Variants in SBNO1 observed in about 807,000 individuals in gnomAD.
The protein encoded by SBNO1 is protein strawberry notch homolog 1.
Under a neutral mutation model 173.6 loss-of-function variants are expected in SBNO1, and 23 were observed. The ratio of observed to expected loss-of-function variants is 0.13; its 90% CI spans 0.10 to 0.19. The LOEUF (loss-of-function observed/expected upper bound fraction) is 0.19, where lower values mean the gene tolerates loss of function less well. Ranked by LOEUF, SBNO1 falls within the 10% of genes least tolerant of loss-of-function variation. The probability of loss-of-function intolerance (pLI) is 1.00; values close to 1 mark genes in which losing one functional copy is unlikely to be tolerated. For synonymous variants in SBNO1, 632 were observed against 571.5 expected, an observed-to-expected ratio of 1.11 and a Z score of -1.51; for missense variants, 1,238 against 1,671.2, an observed-to-expected ratio of 0.74 and a Z score of 4.52.
chr12:123,317,147 G>A, intron 21 of SBNO1, 74 bp downstream of exon 21: 1 of 1,530,608 alleles, frequency 6.5e-7, no homozygotes, highest in Non-Finnish European at 9.0e-7. Flanking sequence ...CTAAACCTAG[G>A]TTTTGGTATG....
At chr12:123,316,984 G>A (rs946959945) in intron 21 of SBNO1, among the ~76,000 whole-genome samples, 2 of 151,950 alleles carry the variant, frequency 1.3e-5, no homozygotes, top group Admixed American at 6.6e-5. Context: ...TTACAGGCAC[G>A]AGCCACTGCT....
At chr12:123,360,588 G>T (rs1221645961) in intron 1 of SBNO1, among the ~76,000 whole-genome samples, 1 of 151,742 alleles carries the variant, frequency 6.6e-6, no homozygotes, top group Admixed American at 6.6e-5. Flanking sequence ...GGGATTATAG[G>T]TGCGGATCAC....
At chr12:123,345,236 A>G in intron 4 of SBNO1, 22 bp downstream of exon 4, 6 of 1,587,660 alleles carry the variant, frequency 3.8e-6, no homozygotes, top group Non-Finnish European at 5.2e-6. Context: ...GAGAAAGTTG[A>G]TACTATTGAA....
intron 31 of SBNO1, among the ~76,000 whole-genome samples, chr12:123,296,377 A>G (rs372736497): frequency 8.3e-6 from 1 of 120,870 alleles, no homozygotes; most frequent in African/African-American, 3.0e-5. Context: ...TAATGCACCA[A>G]AAGACTACAG....
intron 20 of SBNO1, among the ~76,000 whole-genome samples, chr12:123,318,530 C>T (rs977965708): frequency 1.3e-5 from 2 of 151,834 alleles, no homozygotes; most frequent in African/African-American, 4.8e-5. Flanking sequence ...GCATGGAGTT[C>T]AAGACCAGCC....
intron 4 of SBNO1, among the ~76,000 whole-genome samples, chr12:123,344,422 A>G (rs1220609634): frequency 6.6e-6 from 1 of 152,246 alleles, no homozygotes; most frequent in Non-Finnish European, 1.5e-5. Flanking sequence ...ACACAGTGGT[A>G]TGGACCCAAA....
chr12:123,325,420 T>C lies in SBNO1; in HGVS notation c.1973+82A>G, dbSNP rs940199431. On this transcript the variant is annotated intron_variant, in intron 15 of 31. Transcript: ENST00000602398. Reference sequence around the variant, plus strand: ...TGATGCAGGTGAAACAAAAGTTTTGTCTCCAGGAAATGCCCACATTGGAAC... The same window carrying C: ...TGATGCAGGTGAAACAAAAGTTTTGCCTCCAGGAAATGCCCACATTGGAAC... 4.5e-5 allele frequency: 42 copies of C among 942,834 alleles called. 1 individual carries two copies. The highest frequency in any genetic ancestry group is 2.3e-4 in the South Asian group (16 of 68,538). The allele number at this position is 942,834 out of a possible 1,614,324, so 58.4% of individuals were successfully genotyped here. A position where few individuals can be genotyped will look rare whatever the true frequency, so the allele number is the denominator to read the frequency against.
intron 1 of SBNO1, chr12:123,364,381 C>T: frequency 4.1e-6 from 4 of 985,300 alleles, no homozygotes; most frequent in Non-Finnish European, 4.8e-6. Flanking sequence ...GTGCACAGAC[C>T]CTGCCCCGCG....
In SBNO1 at chr12:123,302,933, G is replaced by A. The variant is rs1275002912; in HGVS notation, c.3769-33C>T. On this transcript the variant is annotated intron_variant, in intron 29 of 31. Coordinates refer to ENST00000602398, the MANE Select transcript of SBNO1 (RefSeq NM_001167856.3). ...AATGAGAAGAATTTCATTGAAAACA[G>A]TATTGCTTTAAATAAACTGGTTACC... 3 of 1,516,458 alleles carry A rather than the reference G, an allele frequency of 2.0e-6. No homozygotes were observed. The African/African-American group carries it at 4.1e-5, about 21-fold the overall frequency. 93.9% of individuals were successfully genotyped at this position (1,516,458 alleles called of 1,614,324 possible).
rs75710010 is a variant in SBNO1, at chr12:123,327,582, G to A, written c.1539-3C>T. The stretch of plus-strand genomic sequence containing the variant: ...CTATTTCCATGGCACCAACTCCTCT[G>A]AATAAAATTAAAACATACAGTAATT... On this transcript the variant is annotated splice_region_variant and splice_polypyrimidine_tract_variant and intron_variant, in intron 12 of 31. Transcript: ENST00000602398. 2.1e-3 allele frequency: 3,449 copies of A among 1,612,226 alleles called. 76 individuals carry two copies. The African/African-American group carries it at 0.041, about 19-fold the overall frequency.
chr12:123,358,371 G>GT (rs1331816119), intron 1 of SBNO1, among the ~76,000 whole-genome samples: 1 of 152,134 alleles, frequency 6.6e-6, no homozygotes, highest in Non-Finnish European at 1.5e-5. Flanking sequence ...ATATGGGTGT[G>GT]TTTTTTTCTT....
At chr12:123,358,470 C>T (rs9668827) in intron 1 of SBNO1, among the ~76,000 whole-genome samples, 13,364 of 152,078 alleles carry the variant, frequency 0.088, 1,661 homozygotes, top group African/African-American at 0.28. Flanking sequence ...AAATGAAATA[C>T]GGGCCAGGCG....
intron 1 of SBNO1, among the ~76,000 whole-genome samples, chr12:123,361,835 G>A (rs555281297): frequency 6.6e-6 from 1 of 152,004 alleles, no homozygotes; most frequent in African/African-American, 2.4e-5. Context: ...AGCAACTAAA[G>A]TGAAGATTTA....
chr12:123,320,709 G>A lies in SBNO1; in HGVS notation c.2481C>T (p.Asn827=). ...SSTPVISPAP[N]STPANSNTNS... ...TTTCTGTATGGATACCTGGTGTACT[G>A]TTAGGAGCAGGTGAGATAACTGGTG... The change falls in exon 18 of 32, where the codon AAC becomes AAT. Residue 827 remains asparagine (N), a synonymous_variant. Coordinates refer to ENST00000602398, the MANE Select transcript of SBNO1 (RefSeq NM_001167856.3). 9 of 1,607,534 alleles carry A rather than the reference G, an allele frequency of 5.6e-6. No homozygotes were observed. The highest frequency in any genetic ancestry group is 7.6e-6 in the Non-Finnish European group (9 of 1,178,272).
rs776054993 is a variant in SBNO1 at position 123,348,106 on chromosome 12, C to G, written c.160G>C (p.Gly54Arg). 1 of 1,611,238 alleles carries G rather than the reference C, an allele frequency of 6.2e-7. No homozygotes were observed. Among genetic ancestry groups the G allele is most frequent in the East Asian group, 2.2e-5 (1 of 44,780 alleles). ...QSVPLSALELGLETEAAVPVK... is the reference protein window; with the variant it reads ...QSVPLSALELRLETEAAVPVK... The stretch of plus-strand genomic sequence containing the variant: ...GGAACTGCTGCTTCGGTCTCCAAAC[C>G]TAGTTCTAATGCACTAAGTGGCACT... Residue 54 changes from glycine to arginine, a missense_variant, in exon 3 of 32, where the codon GGT becomes CGT. By Grantham distance (125) the Gly-to-Arg change is moderately radical. Around this residue, in one of 14 missense-constraint regions of SBNO1, gnomAD observed 287 missense variants for 274.1 expected, o/e 1.05. Coordinates refer to ENST00000602398, the MANE Select transcript of SBNO1 (RefSeq NM_001167856.3).
chr12:123,343,398 C>T (rs960853049), intron 4 of SBNO1, among the ~76,000 whole-genome samples: 1 of 152,128 alleles, frequency 6.6e-6, no homozygotes, highest in Non-Finnish European at 1.5e-5. Context: ...AAAGGGGCAA[C>T]AACCACACAG....
At chr12:123,320,899 TTTG>T in intron 17 of SBNO1, 33 bp from the exon 18 acceptor site, 1 of 1,464,682 alleles carries the variant, frequency 6.8e-7, no homozygotes, top group South Asian at 1.3e-5. Context: ...TGTCAAATCA[TTTG>T]TTAAAACAAG....
In SBNO1 at chr12:123,307,355, G is replaced by GA. The variant is rs952490766; in HGVS notation, c.3630+1954dup. ...ATTAAGAAGGAATGAAGGAAGGTGG[G>GA]AAAAAAAAGAGAAAGGAAGGAAGGA... On this transcript the variant is annotated intron_variant, in intron 28 of 31. Coordinates refer to ENST00000602398, the MANE Select transcript of SBNO1 (RefSeq NM_001167856.3). 4.0e-5 allele frequency among the ~76,000 whole-genome samples: 6 copies of GA among 151,348 alleles called. No homozygotes were observed. In the East Asian group the frequency reaches 7.7e-4, roughly 20 times the overall value.
intron 4 of SBNO1, among the ~76,000 whole-genome samples, 156 bp from the exon 5 acceptor site, chr12:123,341,244 T>C (rs1237060482): frequency 6.6e-6 from 1 of 150,742 alleles, no homozygotes; most frequent in Admixed American, 6.6e-5. Context: ...AGGTCAGGAG[T>C]TCAAGACCAG....
Sources: allele counts gnomAD v4.1 joint callset (sites outside exome capture counted in the v4.1 genomes callset), GRCh38; gene constraint gnomAD v4.1.1; regional missense constraint gnomAD v4.1.1; transcripts MANE v1.5; gene names NCBI Gene and HGNC (gene_info 2026-07-23, HGNC 2026-07-21).